Variants in SLC25A21 observed in about 807,000 individuals in gnomAD.
SLC25A21 encodes solute carrier family 25 member 21.
In SLC25A21, 47 loss-of-function variants were observed where a neutral mutation model predicts 43.8. The ratio of observed to expected loss-of-function variants is 1.07; its 90% CI spans 0.85 to 1.37. The LOEUF is 1.37. Ranked by LOEUF, SLC25A21 falls within the 40% of genes most tolerant of loss-of-function variation. The probability of loss-of-function intolerance (pLI) is 0.00; values close to 1 mark genes in which losing one functional copy is unlikely to be tolerated. For missense variants in SLC25A21, 352 were observed against 350.2 expected (o/e 1.00, Z -0.04); for synonymous variants, 131 against 121.3 (o/e 1.08, Z -0.52).
At chr14:37,092,695 T>C (rs1024890053) in intron 1 of SLC25A21, among the ~76,000 whole-genome samples, 4 of 151,976 alleles carry the variant, frequency 2.6e-5, no homozygotes, top group African/African-American at 9.7e-5. Context: ...CTATGGAAAG[T>C]GGGGCGGAAA....
chr14:36,903,054 T>G (rs1594681135), intron 1 of SLC25A21, among the ~76,000 whole-genome samples: 1 of 152,160 alleles, frequency 6.6e-6, no homozygotes, highest in African/African-American at 2.4e-5. Context: ...ATAAAAATAA[T>G]AGTGGTTCTA....
intron 1 of SLC25A21, among the ~76,000 whole-genome samples, chr14:37,156,787 A>T (rs1176481628): frequency 1.3e-5 from 2 of 152,206 alleles, no homozygotes; most frequent in African/African-American, 4.8e-5. Context: ...TCAAGCAAAT[A>T]AGACTAGATC....
chr14:37,157,469 T>C (rs1237105403), intron 1 of SLC25A21, among the ~76,000 whole-genome samples: 1 of 152,168 alleles, frequency 6.6e-6, no homozygotes, highest in African/African-American at 2.4e-5. Context: ...ACATGGAAGC[T>C]GAACATGTTC....
Position 37,167,040 on chromosome 14 carries a change from G to A in SLC25A21, c.70+5241C>T, listed in dbSNP as rs1964041714. On this transcript the variant is annotated intron_variant, in intron 1 of 9. Transcript: ENST00000331299. ...AAGTAAGGGGTAAGACATTCTAGGG[G>A]ATCAGGAATAAAGGTGTAAAGTACT... Among the ~76,000 whole-genome samples the A allele has an allele frequency of 1.3e-5, 2 of 152,160 alleles. 1 individual carries two copies. Among genetic ancestry groups the A allele is most frequent in the South Asian group, 4.1e-4 (2 of 4,828 alleles).
chr14:36,985,286 CT>C (rs1444977145), intron 1 of SLC25A21, among the ~76,000 whole-genome samples: 2 of 151,756 alleles, frequency 1.3e-5, no homozygotes, highest in Non-Finnish European at 2.9e-5. Context: ...TGTAACTAAC[CT>C]GCACAATGTG....
intron 2 of SLC25A21, among the ~76,000 whole-genome samples, chr14:36,852,722 T>C (rs945390995): frequency 5.3e-5 from 8 of 152,120 alleles, no homozygotes; most frequent in African/African-American, 1.9e-4. Context: ...CTTTGGAGTC[T>C]ACCATCACAT....
At chr14:37,147,768 A>G (rs1224221416) in intron 1 of SLC25A21, among the ~76,000 whole-genome samples, 1 of 151,178 alleles carries the variant, frequency 6.6e-6, no homozygotes, top group African/African-American at 2.4e-5. Context: ...CATGACATAT[A>G]TGTTTAGGGC....
intron 2 of SLC25A21, among the ~76,000 whole-genome samples, chr14:36,841,821 C>T (rs994286594): frequency 1.5e-4 from 23 of 152,154 alleles, no homozygotes; most frequent in African/African-American, 5.6e-4. Context: ...AACCCATACT[C>T]CCTGTGCAGG....
At position 36,839,537 on chromosome 14, in the gene SLC25A21, A is replaced by G. The variant is rs188171921; in HGVS notation, c.120-25536T>C. ...TCTTGCTCTAAAAAATTATTTTGAC[A>G]TATCTGAAACTACTTTCTCAATCTG... On this transcript the variant is annotated intron_variant, in intron 2 of 9. Coordinates refer to ENST00000331299, the MANE Select transcript of SLC25A21 (RefSeq NM_030631.4). Among the ~76,000 whole-genome samples, 9 of 152,362 alleles carry G rather than the reference A, an allele frequency of 5.9e-5. No homozygotes were observed. The East Asian group carries it at 1.3e-3, about 23-fold the overall frequency.
intron 1 of SLC25A21, among the ~76,000 whole-genome samples, chr14:37,006,618 C>T (rs1414115606): frequency 1.3e-5 from 2 of 151,902 alleles, no homozygotes; most frequent in African/African-American, 4.8e-5. Context: ...GATCTATCAA[C>T]ATTTTTCTGA....
At chr14:37,032,261 C>T (rs769235394) in intron 1 of SLC25A21, among the ~76,000 whole-genome samples, 4 of 152,110 alleles carry the variant, frequency 2.6e-5, no homozygotes, top group South Asian at 2.1e-4. Flanking sequence ...CCAAGCTGGG[C>T]GCGGTGGCTC....
chr14:36,688,437 G>A (rs1882647170), intron 7 of SLC25A21, among the ~76,000 whole-genome samples: 1 of 152,220 alleles, frequency 6.6e-6, no homozygotes. Flanking sequence ...TACACTGTAG[G>A]TGCTAAATAA....
At chr14:37,020,273 G>A (rs1196127834) in intron 1 of SLC25A21, among the ~76,000 whole-genome samples, 1 of 151,714 alleles carries the variant, frequency 6.6e-6, no homozygotes, top group Non-Finnish European at 1.5e-5. Context: ...ACATAGTAAG[G>A]TTGCTGATTT....
chr14:37,120,924 G>A (rs992169800), intron 1 of SLC25A21, among the ~76,000 whole-genome samples: 3 of 152,110 alleles, frequency 2.0e-5, no homozygotes, highest in African/African-American at 7.2e-5. Flanking sequence ...TCTTATAAGG[G>A]GAAAATTGAG....
chr14:36,752,254 T>G (rs1885736354), intron 3 of SLC25A21, among the ~76,000 whole-genome samples: 1 of 152,164 alleles, frequency 6.6e-6, no homozygotes, highest in Non-Finnish European at 1.5e-5. Flanking sequence ...TAACAAGTGT[T>G]GGAAAAGATG....
At chr14:36,715,863 G>T (rs540137938) in intron 6 of SLC25A21, among the ~76,000 whole-genome samples, 3 of 152,286 alleles carry the variant, frequency 2.0e-5, no homozygotes, top group African/African-American at 7.2e-5. Flanking sequence ...GGAGGCCAAG[G>T]AGTGTGGATC....
At position 37,093,640 on chromosome 14, in the gene SLC25A21, G is replaced by A. The variant is rs190412089; in HGVS notation, c.70+78641C>T. Among the ~76,000 whole-genome samples, 1,419 of 152,292 alleles carry A rather than the reference G, an allele frequency of 9.3e-3. 15 individuals carry two copies. The highest frequency in any genetic ancestry group is 0.022 in the South Asian group (108 of 4,826). ...AAAATTCATTGCGTGTAAGAAAGAGGCTTCCTTTTCAAAATATCCACACCT... is the reference window on the plus strand; with the variant it reads ...AAAATTCATTGCGTGTAAGAAAGAGACTTCCTTTTCAAAATATCCACACCT... On this transcript the variant is annotated intron_variant, in intron 1 of 9. Transcript: ENST00000331299.
intron 1 of SLC25A21, among the ~76,000 whole-genome samples, chr14:36,889,148 C>G (rs749886232): frequency 6.6e-6 from 1 of 152,180 alleles, no homozygotes; most frequent in African/African-American, 2.4e-5. Context: ...ATTCCATACA[C>G]ATATCCTTTA....
intron 7 of SLC25A21, among the ~76,000 whole-genome samples, chr14:36,696,747 T>A (rs768170354): frequency 2.6e-5 from 4 of 152,236 alleles, no homozygotes; most frequent in Non-Finnish European, 5.9e-5. Flanking sequence ...GTGGGATCGG[T>A]GCTGATATCC....
Sources: gnomAD v4.1 joint callset for allele counts (sites outside exome capture counted in the v4.1 genomes callset) on GRCh38, gnomAD v4.1.1 for gene constraint, MANE v1.5 for transcripts, NCBI Gene and HGNC (gene_info 2026-07-23, HGNC 2026-07-21) for gene names.